SMIM35: variants seen among roughly 807,000 people sequenced by gnomAD.
The protein encoded by SMIM35 is small integral membrane protein 35, also known as TMPRSS4 antisense RNA 1 (non-protein coding).
intron 1 of SMIM35, among the ~76,000 whole-genome samples, chr11:118,066,400 C>T (rs1252155511): frequency 6.6e-6 from 1 of 152,080 alleles, no homozygotes; most frequent in Non-Finnish European, 1.5e-5. Context: ...GGCTCTCCAT[C>T]CACACAGCTA....
chr11:118,048,996 A>C (rs1944162771), intron 1 of SMIM35, among the ~76,000 whole-genome samples: 1 of 149,758 alleles, frequency 6.7e-6, no homozygotes, highest in African/African-American at 2.4e-5. Context: ...TTTGCCAATA[A>C]TCATAATGTA....
intron 1 of SMIM35, among the ~76,000 whole-genome samples, chr11:118,036,823 C>T (rs566193338): frequency 4.7e-4 from 71 of 152,294 alleles, no homozygotes; most frequent in Middle Eastern, 3.4e-3. Flanking sequence ...AACAGAGCTC[C>T]CATACAAAGG....
chr11:118,018,530 G>C (rs566540387), intron 1 of SMIM35, among the ~76,000 whole-genome samples: 2 of 152,342 alleles, frequency 1.3e-5, no homozygotes, highest in South Asian at 4.1e-4. Flanking sequence ...CAAGAACTAA[G>C]GGTTAGTGAC....
intron 1 of SMIM35, among the ~76,000 whole-genome samples, chr11:118,018,572 G>A (rs150867760): frequency 1.2e-3 from 183 of 152,322 alleles, no homozygotes; most frequent in East Asian, 3.9e-3. Context: ...TCAACACAGC[G>A]TCATAGTGAT....
intron 1 of SMIM35, among the ~76,000 whole-genome samples, chr11:118,068,103 G>C (rs1412419658): frequency 6.6e-6 from 1 of 151,662 alleles, no homozygotes; most frequent in Admixed American, 6.6e-5. Context: ...AATGTCTATT[G>C]CAAGAGTTTC....
At chr11:118,016,645 A>G (rs2058185708) in intron 1 of SMIM35, among the ~76,000 whole-genome samples, 1 of 152,246 alleles carries the variant, frequency 6.6e-6, no homozygotes, top group Non-Finnish European at 1.5e-5. Flanking sequence ...GCAGGCTAGC[A>G]TCTGAAGCCT....
At chr11:118,054,050 T>G (rs954645989) in intron 1 of SMIM35, among the ~76,000 whole-genome samples, 10 of 152,208 alleles carry the variant, frequency 6.6e-5, no homozygotes, top group African/African-American at 2.4e-4. Context: ...CAATTCCCTA[T>G]GCTAGGTATT....
At chr11:118,052,827 G>A (rs1325715005) in intron 1 of SMIM35, among the ~76,000 whole-genome samples, 1 of 151,990 alleles carries the variant, frequency 6.6e-6, no homozygotes, top group Non-Finnish European at 1.5e-5. Context: ...ACAATAGGAA[G>A]CCTTCTCCCA....
chr11:118,075,358 C>A (rs1284437312), intron 1 of SMIM35, among the ~76,000 whole-genome samples: 1 of 152,246 alleles, frequency 6.6e-6, no homozygotes, highest in Non-Finnish European at 1.5e-5. Flanking sequence ...AAGTCCAAGG[C>A]CACACTGCAT....
intron 1 of SMIM35, among the ~76,000 whole-genome samples, chr11:118,085,089 A>C (rs947599337): frequency 6.6e-6 from 1 of 152,196 alleles, no homozygotes; most frequent in Non-Finnish European, 1.5e-5. Flanking sequence ...GGCGCACCTT[A>C]CAGAATCTTT....
At chr11:118,025,498 A>T (rs756900030) in intron 1 of SMIM35, 1 of 455,592 alleles carries the variant, frequency 2.2e-6, no homozygotes, top group South Asian at 1.6e-5. Context: ...CTGGCATGAG[A>T]TGGTATCTCA....
intron 1 of SMIM35, among the ~76,000 whole-genome samples, chr11:118,040,119 G>A (rs1473875474): frequency 1.3e-5 from 2 of 151,844 alleles, no homozygotes. Flanking sequence ...GGAAAGCTGA[G>A]GCACGAGAAT....
At position 118,069,798 on chromosome 11, in the gene SMIM35, G is replaced by A. The variant is rs544006093; in HGVS notation, c.7+16953C>T. ...CATACAAGGCCAGGCGCGGTGGCTC[G>A]TGCCTGTAATCCCAACACTTTGGAA... On this transcript the variant is annotated intron_variant, in intron 1 of 4. Transcript: ENST00000689828. Among the ~76,000 whole-genome samples, 11 of 152,208 alleles carry A rather than the reference G, an allele frequency of 7.2e-5. No homozygotes were observed. The South Asian group carries it at 1.5e-3, about 20-fold the overall frequency.
chr11:118,075,286 G>A lies in SMIM35; in HGVS notation c.7+11465C>T, dbSNP rs565711901. Among the ~76,000 whole-genome samples the A allele has an allele frequency of 2.6e-5, 4 of 152,348 alleles. No individual in the cohort carries two copies. In the East Asian group the frequency reaches 7.7e-4, roughly 29 times the overall value. Reference sequence around the variant, plus strand: ...GGCCACCAGCCATCAGTAAGGAAGGGCTGGGGCTGTGCTGGCTCCAGAGCC... The same window carrying A: ...GGCCACCAGCCATCAGTAAGGAAGGACTGGGGCTGTGCTGGCTCCAGAGCC... On this transcript the variant is annotated intron_variant, in intron 1 of 4. Coordinates refer to ENST00000689828, the MANE Select transcript of SMIM35 (RefSeq NM_001394165.1).
chr11:118,038,386 C>T (rs11216720), intron 1 of SMIM35, among the ~76,000 whole-genome samples: 6,059 of 152,232 alleles, frequency 0.04, 203 homozygotes, highest in East Asian at 0.19. Context: ...TCCAGTGTAG[C>T]GCTGTTCTTT....
At chr11:118,007,556 C>T (rs149800387) in intron 4 of SMIM35, among the ~76,000 whole-genome samples, 3 of 152,122 alleles carry the variant, frequency 2.0e-5, no homozygotes, top group South Asian at 2.1e-4. Flanking sequence ...CCACCATGCC[C>T]AGCTAACTTT....
At chr11:118,021,147 G>A (rs565521926) in intron 1 of SMIM35, among the ~76,000 whole-genome samples, 130 of 151,344 alleles carry the variant, frequency 8.6e-4, no homozygotes, top group African/African-American at 3.1e-3. Context: ...CTAGCTCAAT[G>A]TTTTCATCTA....
intron 1 of SMIM35, among the ~76,000 whole-genome samples, chr11:118,048,126 T>G (rs1205825149): frequency 6.6e-6 from 1 of 152,234 alleles, no homozygotes; most frequent in Non-Finnish European, 1.5e-5. Flanking sequence ...TTCACGTTTT[T>G]AAGAAGAGAC....
intron 1 of SMIM35, among the ~76,000 whole-genome samples, chr11:118,034,144 C>T (rs1283193874): frequency 2.6e-5 from 4 of 151,946 alleles, no homozygotes; most frequent in South Asian, 2.1e-4. Context: ...TGACAAGCAC[C>T]TGTAATCCCA....
Sources: allele counts gnomAD v4.1 joint callset (sites outside exome capture counted in the v4.1 genomes callset), GRCh38; gene constraint gnomAD v4.1.1; transcripts MANE v1.5; gene names NCBI Gene and HGNC (gene_info 2026-07-23, HGNC 2026-07-21).